LAX1: variants seen among roughly 807,000 people sequenced by gnomAD.
LAX1 encodes the protein lymphocyte transmembrane adaptor 1, also known as lymphocyte transmembrane adapter 1.
A neutral mutation model predicts 20.7 loss-of-function variants in LAX1; 17 were observed. The ratio of observed to expected loss-of-function variants is 0.82; its 90% CI spans 0.56 to 1.23. The LOEUF (loss-of-function observed/expected upper bound fraction) is 1.23. LAX1 is among the 50% of genes most tolerant of loss of function. The probability of loss-of-function intolerance (pLI) is 0.00; values close to 1 mark genes in which losing one functional copy is unlikely to be tolerated. For synonymous variants in LAX1, 165 were observed against 181.0 expected, an observed-to-expected ratio of 0.91 and a Z score of 0.71; for missense variants, 470 against 487.0, an observed-to-expected ratio of 0.97 and a Z score of 0.33.
intron 3 of LAX1, 57 bp downstream of exon 3, chr1:203,771,534 T>C: frequency 9.5e-7 from 1 of 1,057,914 alleles, no homozygotes. Flanking sequence ...ACTCCCAGAA[T>C]GTGCCTCTCA....
Position 203,774,843 on chromosome 1 carries a change from A to AAT in LAX1, c.*163_*164insTA. Reference sequence around the variant, plus strand: ...GAGCAGTGAACTAAGAGGCCACACAAAAGCAGAGGTTTGGGAATTCCAGAA... The same window carrying AAT: ...GAGCAGTGAACTAAGAGGCCACACAAATAAGCAGAGGTTTGGGAATTCCAGAA... On this transcript the variant is annotated 3_prime_UTR_variant, in exon 5 of 5. Transcript: ENST00000442561. The AAT allele has an allele frequency of 1.6e-6, 1 of 621,698 alleles. No homozygotes were observed. The highest frequency in any genetic ancestry group is 2.1e-5 in the South Asian group (1 of 47,750). 38.5% of individuals were successfully genotyped at this position (621,698 alleles called of 1,614,324 possible). A position where few individuals can be genotyped will look rare whatever the true frequency, so the allele number is the denominator to read the frequency against.
intron 1 of LAX1, among the ~76,000 whole-genome samples, chr1:203,770,536 A>AGAAG (rs1667400988): frequency 8.7e-6 from 1 of 115,602 alleles, no homozygotes; most frequent in Non-Finnish European, 1.7e-5. Flanking sequence ...AAAGAAAGAA[A>AGAAG]GAAAGAAAGA....
At chr1:203,769,086 T>C (rs1299433047) in intron 1 of LAX1, among the ~76,000 whole-genome samples, 1 of 151,926 alleles carries the variant, frequency 6.6e-6, no homozygotes, top group East Asian at 1.9e-4. Context: ...TAGTTAGAAA[T>C]GCTCACTAGA....
chr1:203,769,007 C>T (rs1369505924), intron 1 of LAX1, among the ~76,000 whole-genome samples: 3 of 152,028 alleles, frequency 2.0e-5, no homozygotes, highest in Admixed American at 6.6e-5. Context: ...TGGGAAACAC[C>T]TGGGGAGTAG....
rs1553254324 is a variant in LAX1, at chr1:203,770,433, A to AGAGAGAGAGAGAGAGAC, written c.90-395_90-394insGAGAGAGAGAGAGAGAC. Among the ~76,000 whole-genome samples the AGAGAGAGAGAGAGAGAC allele has an allele frequency of 4.5e-5, 2 of 44,842 alleles. 1 individual carries two copies. The highest frequency in any genetic ancestry group is 9.8e-5 in the Non-Finnish European group (2 of 20,466). The allele number at this position is 44,842 out of a possible 152,430, so 29.4% of individuals were successfully genotyped here. On this transcript the variant is annotated intron_variant, in intron 1 of 4. Transcript: ENST00000442561. ...TCCATCAAAAAGAAAGAAAGAAAGA[A>AGAGAGAGAGAGAGAGAC]AGAGAGAGAGAGAGAGAGAGAAAGG... is the stretch of plus-strand genomic sequence containing the variant.
Position 203,770,838 on chromosome 1 carries a change from C to G in LAX1, c.100C>G (p.Gln34Glu). 8 of 1,613,666 alleles carry G rather than the reference C, an allele frequency of 5.0e-6. No homozygotes were observed. Among genetic ancestry groups the G allele is most frequent in the Non-Finnish European group, 5.9e-6 (7 of 1,179,592 alleles). Residue 34 changes from glutamine to glutamate, a missense_variant, in exon 2 of 5, where the codon CAG becomes GAG. Gln to Glu is a conservative substitution (Grantham distance 29). Transcript: ENST00000442561. ...TPRSLDRNKD[Q>E]ITNIFSGFAG... Reference sequence around the variant, plus strand: ...CGATTGTTTTTCTAGAAATAAAGACCAGATCACCAACATCTTTTCCGGGTT... The same window carrying G: ...CGATTGTTTTTCTAGAAATAAAGACGAGATCACCAACATCTTTTCCGGGTT...
At chr1:203,772,290 G>A in intron 4 of LAX1, 143 bp downstream of exon 4, 1 of 671,152 alleles carries the variant, frequency 1.5e-6, no homozygotes, top group Non-Finnish European at 2.6e-6. Context: ...AATAAATTGG[G>A]AAGACTAGCC....
Position 203,765,407 on chromosome 1 carries a change from G to C in LAX1, c.-159G>C. 4 of 1,551,986 alleles carry C rather than the reference G, an allele frequency of 2.6e-6. No homozygotes were observed. In the East Asian group the frequency reaches 9.8e-5, roughly 38 times the overall value. The stretch of plus-strand genomic sequence containing the variant: ...AGGTAGAACCAAACCTGTTGCTTTT[G>C]TATGTTGGGTCAACTTGGCCTGACG... On this transcript the variant is annotated 5_prime_UTR_variant, in exon 1 of 5. Transcript: ENST00000442561.
chr1:203,773,798 TGG>T, intron 4 of LAX1, 75 bp from the exon 5 acceptor site: 1 of 365,392 alleles, frequency 2.7e-6, no homozygotes, highest in Non-Finnish European at 5.0e-6. Context: ...AATATGCCAG[TGG>T]TATTTTCCAA....
Position 203,773,533 on chromosome 1 carries a change from G to A in LAX1, c.391-342G>A, listed in dbSNP as rs111981225. 5.4e-3 allele frequency among the ~76,000 whole-genome samples: 813 copies of A among 151,832 alleles called. 9 individuals are homozygous for A. The highest frequency in any genetic ancestry group is 0.018 in the African/African-American group (753 of 41,390). The stretch of plus-strand genomic sequence containing the variant: ...TTATAAATTAGGAAATGAAGACACC[G>A]AGAGATTAGGTCAGGTGCTCATACT... On this transcript the variant is annotated intron_variant, in intron 4 of 4. Transcript: ENST00000442561.
At chr1:203,768,840 G>A (rs935179883) in intron 1 of LAX1, among the ~76,000 whole-genome samples, 21 of 152,288 alleles carry the variant, frequency 1.4e-4, no homozygotes, top group Middle Eastern at 3.4e-3. Flanking sequence ...CAGCAGCTTA[G>A]ACCCGAGTGG....
Position 203,774,820 on chromosome 1 carries a change from G to A in LAX1, c.*139G>A, listed in dbSNP as rs183615928. On this transcript the variant is annotated 3_prime_UTR_variant, in exon 5 of 5. Transcript: ENST00000442561. ...TTAGATTAAAAAGAGGCTGAGATGA[G>A]CAGTGAACTAAGAGGCCACACAAAA... 26 of 692,594 alleles carry A rather than the reference G, an allele frequency of 3.8e-5. No individual in the cohort carries two copies. Among genetic ancestry groups the A allele is most frequent in the Non-Finnish European group, 5.5e-5 (23 of 419,762 alleles). The allele number at this position is 692,594 out of a possible 1,614,324, so 42.9% of individuals were successfully genotyped here. A position where few individuals can be genotyped will look rare whatever the true frequency, so the allele number is the denominator to read the frequency against.
chr1:203,767,533 C>T (rs1368254855), intron 1 of LAX1, among the ~76,000 whole-genome samples: 2 of 151,622 alleles, frequency 1.3e-5, no homozygotes, highest in Non-Finnish European at 2.9e-5. Flanking sequence ...GTCTCGAACT[C>T]CTTACCTCAG....
intron 1 of LAX1, 62 bp from the exon 2 acceptor site, chr1:203,770,766 A>G (rs573981858): frequency 2.1e-5 from 28 of 1,338,454 alleles, no homozygotes; most frequent in Non-Finnish European, 2.8e-5. Context: ...CCAAAAGGAA[A>G]TGTCTCCTCC....
chr1:203,769,509 C>T (rs1024752044), intron 1 of LAX1: 7 of 151,902 alleles, frequency 4.6e-5, no homozygotes, highest in Non-Finnish European at 1.0e-4. Context: ...GGACAAAAAC[C>T]TTCCCTGTTA....
chr1:203,769,454 A>AAGG (rs1667365500), intron 1 of LAX1, among the ~76,000 whole-genome samples: 1 of 106,410 alleles, frequency 9.4e-6, no homozygotes, highest in African/African-American at 3.2e-5. Flanking sequence ...GGAAAGAAAG[A>AAGG]AAAGAAAAGA....
chr1:203,767,639 C>A (rs1029599297), intron 1 of LAX1, among the ~76,000 whole-genome samples: 2 of 152,044 alleles, frequency 1.3e-5, no homozygotes, highest in Non-Finnish European at 2.9e-5. Context: ...TTTGAAGAAC[C>A]TCCATAGTGT....
chr1:203,774,291 C>T lies in LAX1; in HGVS notation c.807C>T (p.Val269=). The T allele has an allele frequency of 1.2e-6, 2 of 1,614,118 alleles. No individual in the cohort carries two copies. Among genetic ancestry groups the T allele is most frequent in the East Asian group, 4.5e-5 (2 of 44,872 alleles). ...EGSSQISNDY[V]NMTGLDLSAI... The stretch of plus-strand genomic sequence containing the variant: ...CTTCTCAGATCTCAAATGACTATGT[C>T]AACATGACAGGGTTGGATCTCAGTG... The change falls in exon 5 of 5, where the codon GTC becomes GTT. Residue 269 remains valine, a synonymous_variant. Coordinates refer to ENST00000442561, the MANE Select transcript of LAX1 (RefSeq NM_017773.4).
rs752784213 is a variant in LAX1, at chr1:203,774,329, G to A, written c.845G>A (p.Arg282Lys). Reference protein sequence around the residue: ...TGLDLSAIQERQLWVAFQCCR... With the variant: ...TGLDLSAIQEKQLWVAFQCCR... ...TTGGATCTCAGTGCCATCCAGGAAA[G>A]GCAGCTCTGGGTGGCTTTTCAGTGC... The change falls in exon 5 of 5, where the codon AGG becomes AAG. Residue 282 changes from arginine to lysine, a missense_variant. Coordinates refer to ENST00000442561, the MANE Select transcript of LAX1 (RefSeq NM_017773.4). 2.4e-5 allele frequency: 39 copies of A among 1,614,056 alleles called. No homozygotes were observed. Among genetic ancestry groups the A allele is most frequent in the Non-Finnish European group, 3.1e-5 (36 of 1,180,036 alleles).
Sources: allele counts gnomAD v4.1 joint callset (sites outside exome capture counted in the v4.1 genomes callset), GRCh38; gene constraint gnomAD v4.1.1; transcripts MANE v1.5; gene names NCBI Gene and HGNC (gene_info 2026-07-23, HGNC 2026-07-21).